The following DPP10 variants were observed in gnomAD, a reference collection of about 807,000 sequenced individuals.
DPP10 encodes the protein inactive dipeptidyl peptidase 10.
DPP10 carries 33 observed loss-of-function variants against 120.9 expected under a neutral mutation model. The observed-to-expected ratio is 0.27, with a 90% CI of 0.21 to 0.37. DPP10 has a LOEUF of 0.37. Ranked by LOEUF, DPP10 falls within the 10% of genes least tolerant of loss-of-function variation. The pLI is 1.00. For missense variants in DPP10, 816 were observed against 942.8 expected (o/e 0.87, Z 1.76); for synonymous variants, 337 against 326.1 (o/e 1.03, Z -0.36).
chr2:114,945,127 AC>A (rs1697249143), intron 1 of DPP10, among the ~76,000 whole-genome samples: 1 of 152,232 alleles, frequency 6.6e-6, no homozygotes, highest in Non-Finnish European at 1.5e-5. Context: ...AAAATGCAAA[AC>A]CAAAAAATTC....
intron 1 of DPP10, among the ~76,000 whole-genome samples, chr2:114,830,419 C>T (rs1686993908): frequency 6.6e-6 from 1 of 152,104 alleles, no homozygotes; most frequent in Non-Finnish European, 1.5e-5. Context: ...TTCTTTTAGT[C>T]AGAAAAGTTC....
intron 1 of DPP10, among the ~76,000 whole-genome samples, chr2:115,244,239 T>TATATATATATATATAGAG (rs1348001277): frequency 1.1e-5 from 1 of 93,476 alleles, no homozygotes; most frequent in African/African-American, 3.8e-5. Context: ...TATATATATA[T>TATATATATATATATAGAG]AGAGAGAGAG....
At chr2:114,909,956 C>G (rs1419340650) in intron 1 of DPP10, among the ~76,000 whole-genome samples, 2 of 151,768 alleles carry the variant, frequency 1.3e-5, no homozygotes, top group Non-Finnish European at 2.9e-5. Context: ...TCTGCATATA[C>G]TAGGTCCTAG....
intron 1 of DPP10, among the ~76,000 whole-genome samples, chr2:115,224,839 C>A (rs1449447341): frequency 6.6e-6 from 1 of 152,110 alleles, no homozygotes; most frequent in African/African-American, 2.4e-5. Context: ...ATATTGAATG[C>A]TTACCGCATG....
chr2:114,888,323 A>T (rs1442033983), intron 1 of DPP10, among the ~76,000 whole-genome samples: 1 of 152,150 alleles, frequency 6.6e-6, no homozygotes, highest in Non-Finnish European at 1.5e-5. Flanking sequence ...ATAACTTTGA[A>T]TATATCATTA....
At chr2:115,107,669 T>C (rs1245331508) in intron 1 of DPP10, among the ~76,000 whole-genome samples, 2 of 152,156 alleles carry the variant, frequency 1.3e-5, no homozygotes, top group Admixed American at 1.3e-4. Flanking sequence ...TGCATTACCA[T>C]CTTATTATAA....
At chr2:114,543,841 C>A (rs1179958864) in intron 1 of DPP10, among the ~76,000 whole-genome samples, 1 of 150,818 alleles carries the variant, frequency 6.6e-6, no homozygotes, top group Non-Finnish European at 1.5e-5. Flanking sequence ...TTTGGCCTAT[C>A]TCAGATGACT....
At chr2:114,581,337 C>T (rs1450258862) in intron 1 of DPP10, among the ~76,000 whole-genome samples, 1 of 151,690 alleles carries the variant, frequency 6.6e-6, no homozygotes, top group Non-Finnish European at 1.5e-5. Context: ...GTGCCCACCA[C>T]CACGCCTGGC....
chr2:115,052,911 C>A (rs997949472), intron 1 of DPP10, among the ~76,000 whole-genome samples: 2 of 148,240 alleles, frequency 1.3e-5, no homozygotes, highest in Non-Finnish European at 3.0e-5. Context: ...GAGATCTTGC[C>A]TCTGCACTAC....
At chr2:115,111,136 A>G (rs2049195631) in intron 1 of DPP10, among the ~76,000 whole-genome samples, 1 of 152,166 alleles carries the variant, frequency 6.6e-6, no homozygotes, top group African/African-American at 2.4e-5. Context: ...CACAAGTAGT[A>G]GCTTTTCCTT....
At chr2:115,831,921 C>A (rs1029844794) in intron 21 of DPP10, among the ~76,000 whole-genome samples, 9 of 152,098 alleles carry the variant, frequency 5.9e-5, no homozygotes, top group Admixed American at 2.6e-4. Flanking sequence ...ACAATGAAAA[C>A]AGAGCAGCCT....
chr2:115,673,300 C>A (rs1490767174), intron 5 of DPP10, among the ~76,000 whole-genome samples: 1 of 152,138 alleles, frequency 6.6e-6, no homozygotes, highest in Non-Finnish European at 1.5e-5. Flanking sequence ...TAATCACTTT[C>A]TTTCTAATAG....
intron 1 of DPP10, among the ~76,000 whole-genome samples, chr2:114,748,906 T>G (rs1486769982): frequency 8.5e-6 from 1 of 117,868 alleles, no homozygotes; most frequent in East Asian, 2.4e-4. Context: ...TATAGTCATT[T>G]GGGTATATAC....
At chr2:115,002,826 A>G (rs1237108945) in intron 1 of DPP10, among the ~76,000 whole-genome samples, 1 of 152,166 alleles carries the variant, frequency 6.6e-6, no homozygotes, top group African/African-American at 2.4e-5. Context: ...ATCTCATGCT[A>G]GTCATAATGA....
chr2:115,195,759 C>T (rs113844170), intron 1 of DPP10, among the ~76,000 whole-genome samples: 25 of 152,248 alleles, frequency 1.6e-4, no homozygotes, highest in African/African-American at 5.3e-4. Context: ...TTGCTTTATG[C>T]GCTTCCTTCC....
At position 115,695,926 on chromosome 2, in the gene DPP10, A is replaced by G. The variant is rs192312936; in HGVS notation, c.576+6005A>G. The stretch of plus-strand genomic sequence containing the variant: ...AGAGAGAGTAAACCTAAAAGACACC[A>G]AATAAAAAGTTCTAGAGCAAAAGCT... On this transcript the variant is annotated intron_variant, in intron 7 of 25. Coordinates refer to ENST00000410059, the MANE Select transcript of DPP10 (RefSeq NM_020868.6). 3.5e-4 allele frequency among the ~76,000 whole-genome samples: 54 copies of G among 152,300 alleles called. No homozygotes were observed. In the East Asian group the frequency reaches 8.7e-3, roughly 25 times the overall value.
intron 1 of DPP10, among the ~76,000 whole-genome samples, chr2:114,489,857 T>C (rs1314978472): frequency 6.6e-6 from 1 of 152,224 alleles, no homozygotes; most frequent in African/African-American, 2.4e-5. Flanking sequence ...CACTCAGCTG[T>C]GTCCTTCAGC....
rs1397866973 is a variant in DPP10 at position 115,042,979 on chromosome 2, G to A, written c.61-266260G>A. ...ATTTTAATAGTTTATCTCAGCAATGGCGTATGCAAAATTAGCTGGATGAAG... is the reference window on the plus strand; with the variant it reads ...ATTTTAATAGTTTATCTCAGCAATGACGTATGCAAAATTAGCTGGATGAAG... On this transcript the variant is annotated intron_variant, in intron 1 of 25. Transcript: ENST00000410059. Among the ~76,000 whole-genome samples, 4 of 152,122 alleles carry A rather than the reference G, an allele frequency of 2.6e-5. No individual in the cohort carries two copies. In the East Asian group the frequency reaches 7.7e-4, roughly 29 times the overall value.
At chr2:115,007,529 C>T (rs1427173305) in intron 1 of DPP10, among the ~76,000 whole-genome samples, 1 of 149,784 alleles carries the variant, frequency 6.7e-6, no homozygotes, top group East Asian at 2.0e-4. Flanking sequence ...GACAGGGATG[C>T]CCTCTCTCAC....
Sources: allele counts gnomAD v4.1 joint callset (sites outside exome capture counted in the v4.1 genomes callset), GRCh38; gene constraint gnomAD v4.1.1; transcripts MANE v1.5; gene names NCBI Gene and HGNC (gene_info 2026-07-23, HGNC 2026-07-21).